NALCN: variants seen among roughly 807,000 people sequenced by gnomAD.
NALCN encodes sodium leak channel NALCN.
NALCN carries 111 observed loss-of-function variants against 225.3 expected under a neutral mutation model. The ratio of observed to expected loss-of-function variants is 0.49; its 90% CI spans 0.42 to 0.58. The LOEUF is 0.58. Among genes scored for constraint, NALCN ranks in the 20% least tolerant of loss-of-function variants. NALCN has a pLI of 0.00. For synonymous variants in NALCN, 764 were observed against 769.0 expected, an observed-to-expected ratio of 0.99 and a Z score of 0.11; for missense variants, 1,378 against 2,202.4, an observed-to-expected ratio of 0.63 and a Z score of 7.49.
chr13:101,083,047 T>G (rs2033743191), intron 32 of NALCN, 45 bp downstream of exon 32: 1 of 1,587,132 alleles, frequency 6.3e-7, no homozygotes, highest in African/African-American at 1.3e-5. Flanking sequence ...GATGTAGCAG[T>G]GAATACAAAA....
chr13:101,324,105 T>TA (rs985120280), intron 7 of NALCN, among the ~76,000 whole-genome samples: 6 of 152,070 alleles, frequency 3.9e-5, no homozygotes, highest in African/African-American at 1.2e-4. Flanking sequence ...AACCAGAGGG[T>TA]AAAAAAATTT....
At chr13:101,403,801 C>T (rs1204565657) in intron 1 of NALCN, among the ~76,000 whole-genome samples, 1 of 152,182 alleles carries the variant, frequency 6.6e-6, no homozygotes, top group Non-Finnish European at 1.5e-5. Context: ...CACATACACA[C>T]TTAATGGTGG....
chr13:101,107,345 A>G (rs1164247862), intron 22 of NALCN, 142 bp downstream of exon 22: 4 of 1,409,454 alleles, frequency 2.8e-6, no homozygotes, highest in Admixed American at 4.0e-5. Context: ...GGTGTTCAGC[A>G]AAGAGGAGCA....
At chr13:101,352,361 A>C (rs979932773) in intron 6 of NALCN, among the ~76,000 whole-genome samples, 1 of 152,188 alleles carries the variant, frequency 6.6e-6, no homozygotes, top group African/African-American at 2.4e-5. Flanking sequence ...CTATTATTAA[A>C]GGATGCACAC....
chr13:101,376,777 T>C lies in NALCN; in HGVS notation c.567A>G (p.Leu189=). The change falls in exon 6 of 44, where the codon CTA becomes CTG. Residue 189 remains leucine (L), a synonymous_variant. Coordinates refer to ENST00000251127, the MANE Select transcript of NALCN (RefSeq NM_052867.4). The stretch of plus-strand genomic sequence containing the variant: ...GAACTCCTAAAATTCCATAAAGAAG[T>C]AGAAAGAAAAGTAGAAAAATGGAAA... ...WSVSIFLLFF[L]LLYGILGVQM... is the part of the protein sequence containing the mutation. 2 of 1,613,510 alleles carry C rather than the reference T, an allele frequency of 1.2e-6. No homozygotes were observed. The highest frequency in any genetic ancestry group is 1.7e-6 in the Non-Finnish European group (2 of 1,179,824).
intron 14 of NALCN, among the ~76,000 whole-genome samples, chr13:101,180,044 C>T (rs1003949861): frequency 2.0e-5 from 3 of 152,216 alleles, no homozygotes; most frequent in Non-Finnish European, 4.4e-5. Flanking sequence ...ACTTAGGGCC[C>T]ACCCAGATAA....
chr13:101,410,380 G>A (rs183991882), intron 1 of NALCN, among the ~76,000 whole-genome samples: 1 of 152,248 alleles, frequency 6.6e-6, no homozygotes. Context: ...GGCTCTGTGT[G>A]GAAAAGAATA....
At position 101,144,842 on chromosome 13, in the gene NALCN, G is replaced by A. The variant is rs541633673; in HGVS notation, c.1894C>T (p.Arg632Ter). 5 of 1,613,426 alleles carry A rather than the reference G, an allele frequency of 3.1e-6. No homozygotes were observed. Among genetic ancestry groups the A allele is most frequent in the Non-Finnish European group, 4.2e-6 (5 of 1,179,702 alleles). ...DTKEKLPLRL[R>*]IFEKFPNRPQ... ...CTGTTTGGAAATTTTTCAAAGATTC[G>A]CAGGCGTAAAGGGAGCTTTTCTTTG... The change falls in exon 16 of 44, where the codon CGA becomes TGA. Residue 632 changes from arginine (R) to a stop codon, truncating the protein, a stop_gained. Coordinates refer to ENST00000251127, the MANE Select transcript of NALCN (RefSeq NM_052867.4). LOFTEE classifies it high-confidence loss of function.
chr13:101,360,843 T>C lies in NALCN; in HGVS notation c.645-15423A>G, dbSNP rs74117885. ...TTGGACATTTCTGGGGAAATAGTCT[T>C]AAGGGAAGAGGACAGGCATGCTACC... On this transcript the variant is annotated intron_variant, in intron 6 of 43. Coordinates refer to ENST00000251127, the MANE Select transcript of NALCN (RefSeq NM_052867.4). Among the ~76,000 whole-genome samples the C allele has an allele frequency of 7.3e-3, 1,114 of 152,258 alleles. 14 individuals carry two copies. Among genetic ancestry groups the C allele is most frequent in the African/African-American group, 0.025 (1,056 of 41,536 alleles).
chr13:101,358,368 C>T (rs1439640018), intron 6 of NALCN, among the ~76,000 whole-genome samples: 1 of 151,970 alleles, frequency 6.6e-6, no homozygotes, highest in East Asian at 1.9e-4. Flanking sequence ...GAAACAACCC[C>T]ATCAAAAAGT....
intron 11 of NALCN, among the ~76,000 whole-genome samples, chr13:101,247,964 G>C (rs1340627254): frequency 6.6e-6 from 1 of 152,076 alleles, no homozygotes; most frequent in African/African-American, 2.4e-5. Context: ...ATGGCTTCCC[G>C]ATCTATCCAT....
At chr13:101,058,174 G>C (rs2031499571) in intron 42 of NALCN, 118 bp from the exon 43 acceptor site, 1 of 815,314 alleles carries the variant, frequency 1.2e-6, no homozygotes, top group Non-Finnish European at 1.9e-6. Context: ...CATGGACTCA[G>C]AGTGTCCACA....
At chr13:101,340,820 TTTTGAGAACTA>T (rs1397843937) in intron 7 of NALCN, among the ~76,000 whole-genome samples, 4 of 151,764 alleles carry the variant, frequency 2.6e-5, no homozygotes, top group Non-Finnish European at 4.4e-5. Flanking sequence ...GTTACTTTTC[TTTTGAGAACTA>T]TTATCAAGAT....
chr13:101,072,227 T>C (rs1594141513), intron 37 of NALCN, among the ~76,000 whole-genome samples: 1 of 152,328 alleles, frequency 6.6e-6, no homozygotes, highest in South Asian at 2.1e-4. Context: ...AAAATGGCCC[T>C]GATAGACCTG....
At chr13:101,266,067 T>G (rs1348175229) in intron 10 of NALCN, among the ~76,000 whole-genome samples, 2 of 152,230 alleles carry the variant, frequency 1.3e-5, no homozygotes, top group African/African-American at 4.8e-5. Context: ...CACCTTTCTG[T>G]GACTCAGTTT....
chr13:101,371,224 T>A (rs1440240794), intron 6 of NALCN, among the ~76,000 whole-genome samples: 2 of 152,186 alleles, frequency 1.3e-5, no homozygotes, highest in Non-Finnish European at 2.9e-5. Context: ...CATGTGTAAA[T>A]CTTTCTATGG....
chr13:101,407,212 CTGTT>C (rs1396749714), intron 1 of NALCN, among the ~76,000 whole-genome samples: 1 of 152,148 alleles, frequency 6.6e-6, no homozygotes, highest in African/African-American at 2.4e-5. Flanking sequence ...CAAGAGGTGA[CTGTT>C]TATTTGATAA....
At chr13:101,187,619 A>T (rs1438821243) in intron 14 of NALCN, among the ~76,000 whole-genome samples, 2 of 152,218 alleles carry the variant, frequency 1.3e-5, no homozygotes, top group Non-Finnish European at 2.9e-5. Flanking sequence ...CAATAAACAT[A>T]GTAAGAGGTG....
intron 15 of NALCN, among the ~76,000 whole-genome samples, chr13:101,155,222 C>G (rs1044703313): frequency 6.6e-6 from 1 of 152,190 alleles, no homozygotes; most frequent in Non-Finnish European, 1.5e-5. Flanking sequence ...TTTATCAAAA[C>G]TACAAAATTA....
Sources: gnomAD v4.1 joint callset for allele counts (sites outside exome capture counted in the v4.1 genomes callset) on GRCh38, gnomAD v4.1.1 for gene constraint, MANE v1.5 for transcripts, NCBI Gene and HGNC (gene_info 2026-07-23, HGNC 2026-07-21) for gene names.